The following PCDHA2 variants were observed in gnomAD, a reference collection of about 807,000 sequenced individuals.
PCDHA2 encodes protocadherin alpha 2, also known as protocadherin alpha-2.
In PCDHA2, 58 loss-of-function variants were observed where a neutral mutation model predicts 66.0. The observed-to-expected ratio is 0.88, with a 90% confidence interval of 0.71 to 1.09. PCDHA2 has a LOEUF of 1.09. Ranked by LOEUF, PCDHA2 falls within the 50% of genes least tolerant of loss-of-function variation. The pLI is 0.00. For synonymous variants in PCDHA2, 634 were observed against 554.0 expected (o/e 1.14, Z -2.03); for missense variants, 1,267 against 1,242.3 (o/e 1.02, Z -0.30).
Position 140,829,854 on chromosome 5 carries a change from G to A in PCDHA2, c.2388+32502G>A, listed in dbSNP as rs2150176242. On this transcript the variant is annotated intron_variant, in intron 1 of 3. Transcript: ENST00000526136. ...CTGGTGCCGCGGTCACTGGGTGCAG[G>A]CCAAGTGGTGGCGAAGGTGCGCGCA... The A allele has an allele frequency of 5.0e-6, 8 of 1,613,954 alleles. No homozygotes were observed. Among genetic ancestry groups the A allele is most frequent in the Admixed American group, 3.3e-5 (2 of 60,012 alleles).
chr5:140,879,836 G>A, intron 1 of PCDHA2, among the ~76,000 whole-genome samples: 1 of 152,186 alleles, frequency 6.6e-6, no homozygotes, highest in Non-Finnish European at 1.5e-5. Flanking sequence ...GCTTGTGGCT[G>A]TACCACTCCC....
intron 1 of PCDHA2, among the ~76,000 whole-genome samples, chr5:140,900,485 C>T (rs577392455): frequency 6.6e-5 from 10 of 152,310 alleles, no homozygotes; most frequent in African/African-American, 2.2e-4. Flanking sequence ...CCATGTTGGT[C>T]AGACTGGTCT....
At chr5:140,883,240 C>G in intron 1 of PCDHA2, 1 of 1,613,998 alleles carries the variant, frequency 6.2e-7, no homozygotes, top group Non-Finnish European at 8.5e-7. Context: ...AGGCAGTTGA[C>G]AAAGGAAATA....
intron 3 of PCDHA2, among the ~76,000 whole-genome samples, chr5:140,985,373 C>G (rs1228293287): frequency 6.6e-6 from 1 of 152,106 alleles, no homozygotes. Flanking sequence ...TTATCTGGGT[C>G]TATATAATCC....
intron 1 of PCDHA2, chr5:140,862,804 C>A: frequency 5.2e-6 from 3 of 574,138 alleles, no homozygotes; most frequent in Non-Finnish European, 6.7e-6. Context: ...GCTGGAGCTG[C>A]TGCAGTTCTA....
intron 1 of PCDHA2, chr5:140,882,432 A>G: frequency 6.2e-7 from 1 of 1,614,052 alleles, no homozygotes; most frequent in Non-Finnish European, 8.5e-7. Context: ...CTGGGGCTGG[A>G]GCTGGCGGAG....
chr5:140,941,239 C>CTTTCTTTCTTTCTTTA (rs2092937531), intron 1 of PCDHA2, among the ~76,000 whole-genome samples: 1 of 134,502 alleles, frequency 7.4e-6, no homozygotes, highest in African/African-American at 2.9e-5. Context: ...TTCTTTCTTT[C>CTTTCTTTCTTTCTTTA]TTTCTTTCTT....
chr5:140,923,924 T>C (rs968133405), intron 1 of PCDHA2, among the ~76,000 whole-genome samples: 15 of 152,220 alleles, frequency 9.9e-5, no homozygotes. Context: ...TACTGTTCTC[T>C]GTATGCATTT....
At chr5:140,920,093 T>C (rs1289681170) in intron 1 of PCDHA2, among the ~76,000 whole-genome samples, 1 of 152,176 alleles carries the variant, frequency 6.6e-6, no homozygotes, top group African/African-American at 2.4e-5. Flanking sequence ...GTAGAGCCTC[T>C]AAAGGGAGTG....
chr5:140,901,466 C>T (rs782517412), intron 1 of PCDHA2, among the ~76,000 whole-genome samples: 3 of 152,062 alleles, frequency 2.0e-5, no homozygotes, highest in Admixed American at 6.5e-5. Flanking sequence ...TGTCTTTTCT[C>T]GAGTTTATGT....
intron 1 of PCDHA2, chr5:140,835,452 C>T (rs2150236054): frequency 6.2e-7 from 1 of 1,613,908 alleles, no homozygotes; most frequent in East Asian, 2.2e-5. Flanking sequence ...TTCCCTGTCT[C>T]TCCCTATTCC....
At chr5:140,869,231 C>T (rs781820629) in intron 1 of PCDHA2, 29 of 1,613,712 alleles carry the variant, frequency 1.8e-5, no homozygotes, top group Non-Finnish European at 2.3e-5. Context: ...AAACACGGCA[C>T]CTTCGTGGGC....
chr5:140,804,856 C>A (rs73791788), intron 1 of PCDHA2: 5,458 of 529,542 alleles, frequency 0.01, 270 homozygotes, highest in African/African-American at 0.095. Flanking sequence ...AGGTCTAACA[C>A]GTAAAATAGA....
chr5:140,858,117 C>A (rs1191323415), intron 1 of PCDHA2: 1 of 1,597,608 alleles, frequency 6.3e-7, no homozygotes, highest in African/African-American at 1.3e-5. Context: ...CCCGAGGTGG[C>A]CCTGGTGGAT....
intron 1 of PCDHA2, chr5:140,870,249 A>T (rs1554163944): frequency 6.2e-7 from 1 of 1,614,160 alleles, no homozygotes; most frequent in Non-Finnish European, 8.5e-7. Flanking sequence ...GTGTCAACGG[A>T]CAGGTGACCT....
chr5:140,823,087 G>A lies in PCDHA2; in HGVS notation c.2388+25735G>A, dbSNP rs144534621. 1,857 of 1,613,942 alleles carry A rather than the reference G, an allele frequency of 1.2e-3. 15 individuals are homozygous for A. In the African/African-American group the frequency reaches 0.019, roughly 16 times the overall value. On this transcript the variant is annotated intron_variant, in intron 1 of 3. Transcript: ENST00000526136. ...GGGCTCGCCTTCGCTGTGGGCCACC[G>A]CCAGCGTGTCTGTGGAAGTGGCCGA...
chr5:140,876,839 C>G, intron 1 of PCDHA2: 1 of 1,614,116 alleles, frequency 6.2e-7, no homozygotes, highest in Non-Finnish European at 8.5e-7. Flanking sequence ...CCTGCGTTCG[C>G]GCAGCCCGAG....
chr5:140,878,790 CTT>C (rs2057728380), intron 1 of PCDHA2, among the ~76,000 whole-genome samples: 1 of 152,154 alleles, frequency 6.6e-6, no homozygotes. Context: ...TGTTCAATCA[CTT>C]TTTAAAAACA....
At chr5:140,824,558 C>T in intron 1 of PCDHA2, 1 of 175,812 alleles carries the variant, frequency 5.7e-6, no homozygotes, top group Non-Finnish European at 1.2e-5. Context: ...CTCAAGTGAT[C>T]CTCCTATCTC....
Sources: allele counts gnomAD v4.1 joint callset (sites outside exome capture counted in the v4.1 genomes callset), GRCh38; gene constraint gnomAD v4.1.1; transcripts MANE v1.5; gene names NCBI Gene and HGNC (gene_info 2026-07-23, HGNC 2026-07-21).